The following CA10 variants were observed in gnomAD, a reference collection of about 807,000 sequenced individuals.
The protein encoded by CA10 is carbonic anhydrase-related protein 10.
In CA10, 14 loss-of-function variants were observed where a neutral mutation model predicts 44.2. The ratio of observed to expected loss-of-function variants is 0.32; its 90% CI spans 0.21 to 0.50. The LOEUF (loss-of-function observed/expected upper bound fraction) is 0.50, where lower values mean the gene tolerates loss of function less well. CA10 is among the 20% of genes least tolerant of loss of function. CA10 has a pLI of 0.99. For missense variants in CA10, 350 were observed against 409.7 expected (o/e 0.85, Z 1.26); for synonymous variants, 159 against 141.6 (o/e 1.12, Z -0.87).
chr17:51,667,102 A>G (rs1914235313), intron 4 of CA10, among the ~76,000 whole-genome samples: 1 of 152,230 alleles, frequency 6.6e-6, no homozygotes, highest in African/African-American at 2.4e-5. Context: ...GCAATTTGAA[A>G]TGAAGCCAAA....
chr17:51,673,549 G>C (rs963535738), intron 4 of CA10, among the ~76,000 whole-genome samples: 4 of 152,072 alleles, frequency 2.6e-5, no homozygotes, highest in African/African-American at 9.7e-5. Flanking sequence ...ATGAAGTTCT[G>C]TGAATTTTTG....
intron 4 of CA10, among the ~76,000 whole-genome samples, chr17:51,692,257 G>C (rs1192456020): frequency 7.6e-6 from 1 of 131,332 alleles, no homozygotes; most frequent in African/African-American, 2.9e-5. Flanking sequence ...TTTTTTGGTA[G>C]CTATTGTAAA....
intron 1 of CA10, among the ~76,000 whole-genome samples, chr17:52,082,947 TAG>T (rs567841488): frequency 1.5e-3 from 229 of 152,292 alleles, no homozygotes; most frequent in African/African-American, 5.2e-3. Flanking sequence ...CTTTTTGTAG[TAG>T]AGTGTATTTA....
intron 4 of CA10, among the ~76,000 whole-genome samples, chr17:51,698,236 C>T (rs1915467928): frequency 6.6e-6 from 1 of 152,206 alleles, no homozygotes; most frequent in African/African-American, 2.4e-5. Context: ...TCAGAAAATG[C>T]TCTGCTCCCT....
intron 2 of CA10, among the ~76,000 whole-genome samples, chr17:51,944,673 C>T (rs1007714890): frequency 6.6e-6 from 1 of 151,934 alleles, no homozygotes; most frequent in Non-Finnish European, 1.5e-5. Flanking sequence ...AAACAATGTG[C>T]ACTGGAGGGA....
intron 6 of CA10, among the ~76,000 whole-genome samples, chr17:51,645,821 C>T (rs1479858240): frequency 6.6e-6 from 1 of 152,204 alleles, no homozygotes; most frequent in Admixed American, 6.5e-5. Context: ...AGGAAATGTT[C>T]ACTTCTTCCT....
rs543312996 is a variant in CA10, at chr17:51,906,235, C to T, written c.279+24755G>A. Among the ~76,000 whole-genome samples, 24 of 152,188 alleles carry T rather than the reference C, an allele frequency of 1.6e-4. No homozygotes were observed. The East Asian group carries it at 2.3e-3, about 15-fold the overall frequency. On this transcript the variant is annotated intron_variant, in intron 3 of 8. Coordinates refer to ENST00000451037, the MANE Select transcript of CA10 (RefSeq NM_020178.5). The stretch of plus-strand genomic sequence containing the variant: ...TTTAAATAGTTTTTTATACTGTCTT[C>T]GCTATCTCATTCTATATTCATTTAT...
intron 3 of CA10, among the ~76,000 whole-genome samples, chr17:51,768,452 A>T (rs1353803508): frequency 2.6e-5 from 4 of 152,186 alleles, no homozygotes; most frequent in Non-Finnish European, 5.9e-5. Flanking sequence ...CATCTTTAAG[A>T]CATCAAATCT....
At chr17:51,771,548 C>A (rs1905613994) in intron 3 of CA10, among the ~76,000 whole-genome samples, 1 of 152,174 alleles carries the variant, frequency 6.6e-6, no homozygotes. Flanking sequence ...TCTGGAGACT[C>A]CGATTTTCCA....
chr17:51,745,295 G>A (rs1034390007), intron 4 of CA10, among the ~76,000 whole-genome samples: 4 of 152,130 alleles, frequency 2.6e-5, no homozygotes, highest in Non-Finnish European at 5.9e-5. Context: ...TTTTACAAAT[G>A]TACAAACCTG....
rs538402603 is a variant in CA10, at chr17:51,649,584, G to A, written c.562-330C>T. Among the ~76,000 whole-genome samples, 31 of 152,282 alleles carry A rather than the reference G, an allele frequency of 2.0e-4. 2 individuals are homozygous for A. In the South Asian group the frequency reaches 2.1e-3, roughly 10 times the overall value. ...GAGGATGGGTAGAAGTTAACAAAGC[G>A]TTCTGGTGATAGAGTGTGAAAAGGG... On this transcript the variant is annotated intron_variant, in intron 5 of 8. Coordinates refer to ENST00000451037, the MANE Select transcript of CA10 (RefSeq NM_020178.5).
At chr17:51,633,756 G>A (rs1309946626) in intron 7 of CA10, 106 bp from the exon 8 acceptor site, 10 of 1,256,140 alleles carry the variant, frequency 8.0e-6, no homozygotes, top group African/African-American at 4.5e-5. Context: ...TTGGCTGTAT[G>A]AGGAAAGGGC....
intron 2 of CA10, among the ~76,000 whole-genome samples, chr17:52,064,302 C>T (rs1987473799): frequency 6.6e-6 from 1 of 152,170 alleles, no homozygotes; most frequent in Admixed American, 6.5e-5. Flanking sequence ...CCATTTAAGC[C>T]ATGTCCAGAC....
At chr17:52,049,494 A>C (rs890357571) in intron 2 of CA10, among the ~76,000 whole-genome samples, 1 of 152,184 alleles carries the variant, frequency 6.6e-6, no homozygotes, top group African/African-American at 2.4e-5. Context: ...TAAAACAAAC[A>C]AAACCTCACT....
intron 1 of CA10, among the ~76,000 whole-genome samples, chr17:52,075,690 C>T (rs1987799951): frequency 6.6e-6 from 1 of 152,056 alleles, no homozygotes; most frequent in Non-Finnish European, 1.5e-5. Context: ...TCTTAAGTGC[C>T]CTCACCCATT....
intron 1 of CA10, among the ~76,000 whole-genome samples, chr17:52,110,661 G>A (rs1988770290): frequency 6.6e-6 from 1 of 152,180 alleles, no homozygotes; most frequent in African/African-American, 2.4e-5. Context: ...GCTTCAGCCT[G>A]ATCCCACAGG....
intron 1 of CA10, among the ~76,000 whole-genome samples, chr17:52,078,490 A>C (rs7210687): frequency 0.51 from 78,047 of 152,038 alleles, 20,816 homozygotes; most frequent in African/African-American, 0.63. Context: ...GAGTACATAC[A>C]CTGCTATGGT....
At chr17:51,695,704 G>C (rs1027814242) in intron 4 of CA10, among the ~76,000 whole-genome samples, 14 of 152,078 alleles carry the variant, frequency 9.2e-5, no homozygotes, top group African/African-American at 3.4e-4. Flanking sequence ...GTACTGTGTT[G>C]AATAGAAGTA....
At chr17:51,797,413 C>T (rs1906755701) in intron 3 of CA10, among the ~76,000 whole-genome samples, 1 of 152,190 alleles carries the variant, frequency 6.6e-6, no homozygotes, top group Non-Finnish European at 1.5e-5. Context: ...GTGACCTGAC[C>T]TGAGGATCAT....
Sources: gnomAD v4.1 joint callset for allele counts (sites outside exome capture counted in the v4.1 genomes callset) on GRCh38, gnomAD v4.1.1 for gene constraint, MANE v1.5 for transcripts, NCBI Gene and HGNC (gene_info 2026-07-23, HGNC 2026-07-21) for gene names.